Variants in FRAS1 observed in about 807,000 individuals in gnomAD.
The protein encoded by FRAS1 is Fraser extracellular matrix complex subunit 1.
FRAS1 carries 290 observed loss-of-function variants against 435.2 expected under a neutral mutation model. The ratio of observed to expected loss-of-function variants is 0.67; its 90% CI spans 0.61 to 0.73. The LOEUF (loss-of-function observed/expected upper bound fraction) is 0.73, where lower values mean the gene tolerates loss of function less well. Ranked by LOEUF, FRAS1 falls within the 30% of genes least tolerant of loss-of-function variation. FRAS1 has a pLI of 0.00. For missense variants in FRAS1, 4,860 were observed against 5,001.5 expected (o/e 0.97, Z 0.85); for synonymous variants, 1,800 against 1,851.0 (o/e 0.97, Z 0.71).
Position 78,317,501 on chromosome 4 carries a change from C to T in FRAS1, c.1953C>T (p.Val651=), listed in dbSNP as rs778247801. The change falls in exon 17 of 74, where the codon GTC becomes GTT. Residue 651 remains valine (V), a synonymous_variant. Transcript: ENST00000512123. ...AGGGTTTCTACTCTGACCATGGAGT[C>T]TGCAAAGGTATCGTTGGTGTCACCA... ...CGEGFYSDHG[V]CKACHSSCLA... 6.2e-7 allele frequency: 1 copy of T among 1,612,280 alleles called. No homozygotes were observed. The highest frequency in any genetic ancestry group is 8.5e-7 in the Non-Finnish European group (1 of 1,179,248).
chr4:78,210,169 T>C (rs1005611603), intron 2 of FRAS1, among the ~76,000 whole-genome samples: 2 of 152,180 alleles, frequency 1.3e-5, no homozygotes, highest in African/African-American at 4.8e-5. Flanking sequence ...TTCTCCCTCC[T>C]TCCCCCTTCC....
chr4:78,181,676 A>G (rs909683069), intron 2 of FRAS1: 16 of 1,609,792 alleles, frequency 9.9e-6, no homozygotes, highest in East Asian at 6.7e-5. Context: ...TCTTCTATCA[A>G]TTATTTTCCC....
intron 57 of FRAS1, among the ~76,000 whole-genome samples, 199 bp from the exon 58 acceptor site, chr4:78,482,189 T>A (rs1248893637): frequency 2.0e-5 from 3 of 152,204 alleles, no homozygotes; most frequent in Non-Finnish European, 4.4e-5. Context: ...AGATTCAGGA[T>A]ATAAACTATA....
chr4:78,517,305 T>A (rs537455765), intron 66 of FRAS1, among the ~76,000 whole-genome samples: 6 of 152,374 alleles, frequency 3.9e-5, no homozygotes, highest in African/African-American at 1.4e-4. Flanking sequence ...TCCAGTTGTA[T>A]AAACTTTGAC....
intron 2 of FRAS1, among the ~76,000 whole-genome samples, chr4:78,114,312 GCT>G (rs1383634479): frequency 6.6e-6 from 1 of 152,108 alleles, no homozygotes; most frequent in African/African-American, 2.4e-5. Context: ...GGCAATGCAG[GCT>G]CTTTTTTTGG....
At chr4:78,372,617 T>G in intron 23 of FRAS1, 101 bp from the exon 24 acceptor site, 1 of 1,421,002 alleles carries the variant, frequency 7.0e-7, no homozygotes, top group African/African-American at 1.4e-5. Context: ...ACGTTGTCCT[T>G]ATTTTACTCC....
At position 78,511,495 on chromosome 4, in the gene FRAS1, G is replaced by A. The variant is rs80346282; in HGVS notation, c.10002G>A (p.Glu3334=). The A allele has an allele frequency of 1.6e-3, 2,574 of 1,613,176 alleles. 34 individuals carry two copies. In the African/African-American group the frequency reaches 0.03, roughly 19 times the overall value. The change falls in exon 64 of 74, where the codon GAG becomes GAA. Residue 3334 remains glutamate (E), a synonymous_variant. Transcript: ENST00000512123. ...TLKYLDVKHK[E]HPNRIHISVQ... ...AATACCTGGATGTCAAACATAAGGA[G>A]CATCCGAACAGGTCAGGCAGGTGGT...
At chr4:78,117,518 G>A (rs1024408138) in intron 2 of FRAS1, among the ~76,000 whole-genome samples, 13 of 152,118 alleles carry the variant, frequency 8.5e-5, no homozygotes, top group African/African-American at 2.9e-4. Flanking sequence ...TTTCTTGGAG[G>A]CTTTGTTAAT....
chr4:78,320,178 T>C (rs1729444291), intron 18 of FRAS1, among the ~76,000 whole-genome samples: 1 of 152,162 alleles, frequency 6.6e-6, no homozygotes, highest in African/African-American at 2.4e-5. Flanking sequence ...AGGTCACCAC[T>C]CTCCAGACAT....
At chr4:78,484,306 G>A (rs1193444899) in intron 58 of FRAS1, among the ~76,000 whole-genome samples, 1 of 152,126 alleles carries the variant, frequency 6.6e-6, no homozygotes, top group Non-Finnish European at 1.5e-5. Flanking sequence ...TGACATTTGG[G>A]TTGTTCAAGG....
Position 78,539,359 on chromosome 4 carries a change from C to G in FRAS1, c.11364C>G (p.Ala3788=). Residue 3788 remains alanine (A), a synonymous_variant, in exon 73 of 74, where the codon GCC becomes GCG. Coordinates refer to ENST00000512123, the MANE Select transcript of FRAS1 (RefSeq NM_025074.7). ...ATGTGCCTTTTGAGGCTCACTTTGCCTCTGAGTTGCCTGATTTCCATGTGG... is the reference window on the plus strand; with the variant it reads ...ATGTGCCTTTTGAGGCTCACTTTGCGTCTGAGTTGCCTGATTTCCATGTGG... ...FHDVPFEAHF[A]SELPDFHVVS... The G allele has an allele frequency of 6.2e-7, 1 of 1,612,938 alleles. No homozygotes were observed. Among genetic ancestry groups the G allele is most frequent in the South Asian group, 1.1e-5 (1 of 90,878 alleles).
At chr4:78,408,422 T>C (rs1187638557) in intron 31 of FRAS1, among the ~76,000 whole-genome samples, 1 of 152,144 alleles carries the variant, frequency 6.6e-6, no homozygotes, top group Non-Finnish European at 1.5e-5. Flanking sequence ...AACCAAGATG[T>C]TTAGGTTAGA....
chr4:78,120,404 G>A (rs142050143), intron 2 of FRAS1, among the ~76,000 whole-genome samples: 102 of 152,220 alleles, frequency 6.7e-4, no homozygotes, highest in African/African-American at 2.2e-3. Context: ...TTCTAAATAC[G>A]GCTTATTTCT....
intron 2 of FRAS1, among the ~76,000 whole-genome samples, chr4:78,188,256 C>T (rs886095050): frequency 6.6e-6 from 1 of 151,996 alleles, no homozygotes. Context: ...AGAAACAGAA[C>T]CAGTAGGACA....
chr4:78,458,652 C>T (rs1292995750), intron 47 of FRAS1, among the ~76,000 whole-genome samples: 1 of 152,112 alleles, frequency 6.6e-6, no homozygotes, highest in Non-Finnish European at 1.5e-5. Context: ...CAGCATCACA[C>T]AATATACCCT....
chr4:78,153,582 G>T (rs72860665), intron 2 of FRAS1, among the ~76,000 whole-genome samples: 5,505 of 152,102 alleles, frequency 0.036, 336 homozygotes, highest in African/African-American at 0.13. Context: ...AGCACTTGAG[G>T]AGTGTTAAAG....
chr4:78,521,614 C>T lies in FRAS1; in HGVS notation c.10632C>T (p.Thr3544=), dbSNP rs201496727. Residue 3544 remains threonine (T), a synonymous_variant, in exon 68 of 74, where the codon ACC becomes ACT. Transcript: ENST00000512123. Reference sequence around the variant, plus strand: ...GCCGTCTTGTCATTGAATTCAAGACCCATGCCAAATTCAGAGGTAATATCA... The same window carrying T: ...GCCGTCTTGTCATTGAATTCAAGACTCATGCCAAATTCAGAGGTAATATCA... The part of the protein sequence containing the change: ...EDGRLVIEFK[T]HAKFRGQFVM... The T allele has an allele frequency of 3.1e-6, 5 of 1,605,934 alleles. No homozygotes were observed. The South Asian group carries it at 4.5e-5, about 14-fold the overall frequency.
Position 78,541,030 on chromosome 4 carries a change from C to G in FRAS1, c.11945C>G (p.Pro3982Arg). The G allele has an allele frequency of 6.6e-7, 1 of 1,512,212 alleles. No individual in the cohort carries two copies. Among genetic ancestry groups the G allele is most frequent in the Admixed American group, 2.1e-5 (1 of 48,390 alleles). The allele number at this position is 1,512,212 out of a possible 1,614,324, so 93.7% of individuals were successfully genotyped here. A position where few individuals can be genotyped will look rare whatever the true frequency, so the allele number is the denominator to read the frequency against. Residue 3982 changes from proline to arginine, a missense_variant, in exon 74 of 74, where the codon CCT becomes CGT. By Grantham distance (103) the Pro-to-Arg change is moderately radical (BLOSUM62 -2). Transcript: ENST00000512123. ...CGGAACGTCAACATCCTGAGTGAGC[C>G]TGAGGCGGCTTACACGTTCAAAGGT... ...TVRNVNILSE[P>R]EAAYTFKGAK...
chr4:78,520,969 A>C (rs1417505345), intron 67 of FRAS1, among the ~76,000 whole-genome samples: 1 of 151,690 alleles, frequency 6.6e-6, no homozygotes, highest in Non-Finnish European at 1.5e-5. Context: ...TCCTTACGTT[A>C]CTCTTTGGTT....
Sources: gnomAD v4.1 joint callset for allele counts (sites outside exome capture counted in the v4.1 genomes callset) on GRCh38, gnomAD v4.1.1 for gene constraint, MANE v1.5 for transcripts, NCBI Gene and HGNC (gene_info 2026-07-23, HGNC 2026-07-21) for gene names.